CUL1: variants seen among roughly 807,000 people sequenced by gnomAD.
CUL1 encodes the protein cullin 1.
CUL1 carries 24 observed loss-of-function variants against 118.0 expected under a neutral mutation model. That is an observed-to-expected ratio of 0.20 (90% confidence interval 0.15 to 0.29). CUL1 has a LOEUF of 0.29. Among genes scored for constraint, CUL1 ranks in the 10% least tolerant of loss-of-function variants. The pLI is 1.00. For missense variants in CUL1, 361 were observed against 933.8 expected, an observed-to-expected ratio of 0.39 and a Z score of 7.99; for synonymous variants, 332 against 340.4, an observed-to-expected ratio of 0.98 and a Z score of 0.27.
chr7:148,781,079 AT>A lies in CUL1; in HGVS notation c.1084-2682del, dbSNP rs1197920664. Among the ~76,000 whole-genome samples the A allele has an allele frequency of 1.4e-3, 129 of 93,720 alleles. 3 individuals carry two copies. Among genetic ancestry groups the A allele is most frequent in the South Asian group, 7.5e-3 (20 of 2,682 alleles). The allele number at this position is 93,720 out of a possible 152,430, so 61.5% of individuals were successfully genotyped here. A position where few individuals can be genotyped will look rare whatever the true frequency, so the allele number is the denominator to read the frequency against. Reference sequence around the variant, plus strand: ...GCTAAATTCACATTTTCAAGGCCAGATTTTTTTTTTTTTTTTTTTTTTGACA... The same window carrying A: ...GCTAAATTCACATTTTCAAGGCCAGATTTTTTTTTTTTTTTTTTTTTGACA... On this transcript the variant is annotated intron_variant, in intron 9 of 21. Transcript: ENST00000325222.
At chr7:148,764,102 T>A (rs927085966) in intron 7 of CUL1, among the ~76,000 whole-genome samples, 10 of 152,246 alleles carry the variant, frequency 6.6e-5, no homozygotes, top group South Asian at 2.1e-4. Context: ...TGTCATTTTT[T>A]AAAAACTTTA....
chr7:148,800,626 C>G lies in CUL1; in HGVS notation c.*44C>G, dbSNP rs770984171. 6.8e-7 allele frequency: 1 copy of G among 1,462,422 alleles called. No homozygotes were observed. The highest frequency in any genetic ancestry group is 1.4e-5 in the African/African-American group (1 of 71,346). The allele number at this position is 1,462,422 out of a possible 1,614,324, so 90.6% of individuals were successfully genotyped here. ...ACTGTGTGACCCGCAGCAAATAGTT[C>G]ATGTTGGAAAGAATGAAAACAACTC... On this transcript the variant is annotated 3_prime_UTR_variant, in exon 22 of 22. Coordinates refer to ENST00000325222, the MANE Select transcript of CUL1 (RefSeq NM_003592.3). The surrounding 1 kb of genome is among the most constrained non-coding windows in gnomAD (Gnocchi z 4.6).
chr7:148,743,225 A>G (rs1799201951), intron 2 of CUL1, among the ~76,000 whole-genome samples: 1 of 152,280 alleles, frequency 6.6e-6, no homozygotes, highest in East Asian at 1.9e-4. Context: ...ACTCTTGAAA[A>G]GAATGTGGGT....
At chr7:148,699,927 G>A (rs1797667768) in intron 1 of CUL1, among the ~76,000 whole-genome samples, 1 of 151,914 alleles carries the variant, frequency 6.6e-6, no homozygotes, top group African/African-American at 2.4e-5. Context: ...TTTCCCTTAA[G>A]ATCTGAAAGA....
At chr7:148,763,052 C>A (rs1799886315) in intron 7 of CUL1, among the ~76,000 whole-genome samples, 1 of 152,002 alleles carries the variant, frequency 6.6e-6, no homozygotes, top group Non-Finnish European at 1.5e-5. Flanking sequence ...GAAGCTGAGG[C>A]AGGAGAATCA....
At chr7:148,704,927 G>A (rs1210174172) in intron 1 of CUL1, among the ~76,000 whole-genome samples, 2 of 152,128 alleles carry the variant, frequency 1.3e-5, no homozygotes, top group Non-Finnish European at 2.9e-5. Flanking sequence ...CTACTTGCAA[G>A]GAAGACATTT....
Position 148,730,048 on chromosome 7 carries a change from T to G in CUL1, c.-75T>G. The G allele has an allele frequency of 6.6e-7, 1 of 1,516,540 alleles. No individual in the cohort carries two copies. The highest frequency in any genetic ancestry group is 1.3e-5 in the South Asian group (1 of 78,818). The allele number at this position is 1,516,540 out of a possible 1,614,324, so 93.9% of individuals were successfully genotyped here. A position where few individuals can be genotyped will look rare whatever the true frequency, so the allele number is the denominator to read the frequency against. Reference sequence around the variant, plus strand: ...AATAAATTTGGAATGGTACTGTATATTTTCATCTAATGGAGAACTAGCTGT... The same window carrying G: ...AATAAATTTGGAATGGTACTGTATAGTTTCATCTAATGGAGAACTAGCTGT... On this transcript the variant is annotated 5_prime_UTR_variant, in exon 2 of 22. Transcript: ENST00000325222.
intron 9 of CUL1, among the ~76,000 whole-genome samples, chr7:148,773,530 C>G (rs551224795): frequency 6.6e-6 from 1 of 152,168 alleles, no homozygotes; most frequent in Non-Finnish European, 1.5e-5. Flanking sequence ...GCTCACGCCT[C>G]ATTATAGTTT....
Position 148,767,599 on chromosome 7 carries a change from G to C in CUL1, c.953-20G>C. 1 of 1,612,280 alleles carries C rather than the reference G, an allele frequency of 6.2e-7. No homozygotes were observed. Among genetic ancestry groups the C allele is most frequent in the Non-Finnish European group, 8.5e-7 (1 of 1,179,344 alleles). On this transcript the variant is annotated intron_variant, in intron 8 of 21. Transcript: ENST00000325222. Reference sequence around the variant, plus strand: ...GCAAAATTTTTTTCAGTGCATAAAAGGGGTTTCTTCCTCTTTCAGATTTGG... The same window carrying C: ...GCAAAATTTTTTTCAGTGCATAAAACGGGTTTCTTCCTCTTTCAGATTTGG...
chr7:148,794,473 G>A (rs1334474145), intron 17 of CUL1, among the ~76,000 whole-genome samples: 1 of 152,124 alleles, frequency 6.6e-6, no homozygotes, highest in African/African-American at 2.4e-5. Context: ...GATTACTGTT[G>A]TTTTGCAGTA....
chr7:148,754,279 T>C, intron 3 of CUL1, 129 bp downstream of exon 3: 1 of 615,084 alleles, frequency 1.6e-6, no homozygotes, highest in South Asian at 2.3e-5. Flanking sequence ...GTGACAGTGT[T>C]TTGCTATTGC....
intron 8 of CUL1, 32 bp from the exon 9 acceptor site, chr7:148,767,587 C>T (rs1800050141): frequency 1.2e-6 from 2 of 1,605,202 alleles, no homozygotes; most frequent in Admixed American, 1.7e-5. Context: ...AAATTTTTTT[C>T]AGTGCATAAA....
rs1584829968 is a variant in CUL1 at position 148,800,800 on chromosome 7, C to G, written c.*218C>G. 1 of 485,346 alleles carries G rather than the reference C, an allele frequency of 2.1e-6. No homozygotes were observed. The highest frequency in any genetic ancestry group is 3.7e-5 in the East Asian group (1 of 27,030). 30.1% of individuals were successfully genotyped at this position (485,346 alleles called of 1,614,324 possible). ...AATACGGACACCAACGCCATTTACCCTAATTTAAGAACAGCGGGGACTGAC... is the reference window on the plus strand; with the variant it reads ...AATACGGACACCAACGCCATTTACCGTAATTTAAGAACAGCGGGGACTGAC... On this transcript the variant is annotated 3_prime_UTR_variant, in exon 22 of 22. Transcript: ENST00000325222. This position sits in a 1 kb window ranked among gnomAD's most constrained non-coding sequence, Gnocchi z 4.6.
intron 1 of CUL1, among the ~76,000 whole-genome samples, chr7:148,704,627 C>G (rs943727733): frequency 9.2e-5 from 14 of 152,078 alleles, no homozygotes; most frequent in African/African-American, 3.4e-4. Flanking sequence ...TTCCATAATA[C>G]TGTATTTAAT....
In CUL1 at chr7:148,787,348, G is replaced by A. The variant is rs1304607199; in HGVS notation, c.1479+228G>A. On this transcript the variant is annotated intron_variant, in intron 13 of 21. Coordinates refer to ENST00000325222, the MANE Select transcript of CUL1 (RefSeq NM_003592.3). This position sits in a 1 kb window ranked among gnomAD's most constrained non-coding sequence, Gnocchi z 5.5. ...ATGGTGGTGGGCGCCTGTAGTCCCAGCTACTTGGGAGGCTGAGGCAGGAGA... is the reference window on the plus strand; with the variant it reads ...ATGGTGGTGGGCGCCTGTAGTCCCAACTACTTGGGAGGCTGAGGCAGGAGA... Among the ~76,000 whole-genome samples, 1 of 152,008 alleles carries A rather than the reference G, an allele frequency of 6.6e-6. No individual in the cohort carries two copies. Among genetic ancestry groups the A allele is most frequent in the Non-Finnish European group, 1.5e-5 (1 of 67,992 alleles).
At chr7:148,784,338 G>A (rs190871707) in intron 11 of CUL1, among the ~76,000 whole-genome samples, 72 of 152,282 alleles carry the variant, frequency 4.7e-4, no homozygotes, top group African/African-American at 1.4e-3. Context: ...CACCCTGTTC[G>A]CTTCTGAGAT....
intron 9 of CUL1, among the ~76,000 whole-genome samples, chr7:148,769,450 A>ACACACACACAC (rs1554471403): frequency 2.9e-5 from 3 of 104,886 alleles, no homozygotes; most frequent in Non-Finnish European, 4.1e-5. Flanking sequence ...CACACACACA[A>ACACACACACAC]AACGCTCACC....
chr7:148,723,957 C>T (rs1337050754), intron 1 of CUL1, among the ~76,000 whole-genome samples: 1 of 152,168 alleles, frequency 6.6e-6, no homozygotes, highest in Non-Finnish European at 1.5e-5. Flanking sequence ...GACACGTTCA[C>T]TTATCAAGAC....
chr7:148,778,781 G>A (rs1018850433), intron 9 of CUL1, among the ~76,000 whole-genome samples: 3 of 152,188 alleles, frequency 2.0e-5, no homozygotes, highest in Non-Finnish European at 4.4e-5. Flanking sequence ...AGATGTGGAG[G>A]CTGAATGTAC....
Sources: gnomAD v4.1 joint callset for allele counts (sites outside exome capture counted in the v4.1 genomes callset) on GRCh38, gnomAD v4.1.1 for gene constraint, Gnocchi (gnomAD v3.1) non-coding constraint, MANE v1.5 for transcripts, NCBI Gene and HGNC (gene_info 2026-07-23, HGNC 2026-07-21) for gene names.